TMEM196: variants seen among roughly 807,000 people sequenced by gnomAD.
TMEM196 encodes the protein transmembrane protein 196.
TMEM196 carries 17 observed loss-of-function variants against 20.0 expected under a neutral mutation model. The observed-to-expected ratio is 0.85, with a 90% confidence interval of 0.58 to 1.27. The LOEUF is 1.27. Ranked by LOEUF, TMEM196 falls within the 50% of genes most tolerant of loss-of-function variation. The pLI, the probability that TMEM196 is intolerant of heterozygous loss-of-function variation, is 0.00. For synonymous variants in TMEM196, 113 were observed against 88.9 expected (o/e 1.27, Z -1.52); for missense variants, 267 against 223.0 (o/e 1.20, Z -1.26).
At chr7:19,726,201 A>G (rs1039673849) in intron 2 of TMEM196, among the ~76,000 whole-genome samples, 1 of 152,160 alleles carries the variant, frequency 6.6e-6, no homozygotes, top group Admixed American at 6.5e-5. Context: ...AGAAAAATGA[A>G]TGGTCAATAG....
At chr7:19,726,616 G>A (rs941786160) in intron 2 of TMEM196, among the ~76,000 whole-genome samples, 17 of 151,914 alleles carry the variant, frequency 1.1e-4, no homozygotes, top group East Asian at 1.9e-4. Flanking sequence ...GTTGAATCTC[G>A]GTGTCTATTA....
chr7:19,763,878 T>C (rs73682824), intron 1 of TMEM196, among the ~76,000 whole-genome samples: 4,137 of 152,262 alleles, frequency 0.027, 182 homozygotes, highest in African/African-American at 0.095. Flanking sequence ...GTTTTGCAGA[T>C]GAATTAACTG....
At chr7:19,746,869 GAATT>G (rs1784773859) in intron 1 of TMEM196, among the ~76,000 whole-genome samples, 1 of 152,168 alleles carries the variant, frequency 6.6e-6, no homozygotes, top group Non-Finnish European at 1.5e-5. Context: ...CAGCAGGAAG[GAATT>G]ATTACTGCCT....
chr7:19,767,009 G>A (rs994424744), intron 1 of TMEM196, among the ~76,000 whole-genome samples: 2 of 152,012 alleles, frequency 1.3e-5, no homozygotes, highest in African/African-American at 2.4e-5. Flanking sequence ...TCAATTAGTA[G>A]GTGACTGATG....
At chr7:19,741,312 T>C (rs1273381478) in intron 1 of TMEM196, among the ~76,000 whole-genome samples, 2 of 152,162 alleles carry the variant, frequency 1.3e-5, no homozygotes, top group East Asian at 3.9e-4. Flanking sequence ...AAAGCTGTGC[T>C]GTTGAAATAA....
intron 1 of TMEM196, among the ~76,000 whole-genome samples, chr7:19,731,342 G>A (rs1007222536): frequency 5.3e-5 from 8 of 152,220 alleles, no homozygotes; most frequent in South Asian, 2.1e-4. Context: ...CAGAGTGACC[G>A]TTTCTCACCA....
chr7:19,725,798 G>A (rs752493280), intron 2 of TMEM196, 30 bp from the exon 3 acceptor site: 1 of 1,561,082 alleles, frequency 6.4e-7, no homozygotes, highest in African/African-American at 1.4e-5. Flanking sequence ...CAGCGTTAAA[G>A]TTGAAAAGGC....
intron 1 of TMEM196, among the ~76,000 whole-genome samples, chr7:19,741,323 T>C (rs1393953983): frequency 6.6e-6 from 1 of 152,164 alleles, no homozygotes; most frequent in Non-Finnish European, 1.5e-5. Flanking sequence ...GTTGAAATAA[T>C]ATTTCTAGAT....
chr7:19,766,510 G>T (rs1414284702), intron 1 of TMEM196, among the ~76,000 whole-genome samples: 1 of 150,950 alleles, frequency 6.6e-6, no homozygotes, highest in Non-Finnish European at 1.5e-5. Context: ...GATCTCATGT[G>T]TGTATGTGTA....
chr7:19,762,885 A>G (rs1785490296), intron 1 of TMEM196, among the ~76,000 whole-genome samples: 1 of 152,214 alleles, frequency 6.6e-6, no homozygotes, highest in South Asian at 2.1e-4. Flanking sequence ...TTCATCCAAC[A>G]TGCATAGCGG....
rs1337063181 is a variant in TMEM196, at chr7:19,720,744, A to T, written c.*1384T>A. 1 of 151,896 alleles carries T rather than the reference A, an allele frequency of 6.6e-6. No individual in the cohort carries two copies. The highest frequency in any genetic ancestry group is 2.4e-5 in the African/African-American group (1 of 41,434). 9.4% of individuals were successfully genotyped at this position (151,896 alleles called of 1,614,324 possible). ...TATCTTTTCACTTTTTCCTCAAAGA[A>T]TTCTTTCAGGATCTTTGGATATAGG... On this transcript the variant is annotated 3_prime_UTR_variant, in exon 5 of 5. Transcript: ENST00000405844.
intron 1 of TMEM196, among the ~76,000 whole-genome samples, chr7:19,758,055 C>T (rs1785287198): frequency 6.6e-6 from 1 of 151,156 alleles, no homozygotes; most frequent in African/African-American, 2.4e-5. Context: ...AAAGAAAATG[C>T]TCAGATAGCA....
At chr7:19,745,783 C>A (rs947139662) in intron 1 of TMEM196, among the ~76,000 whole-genome samples, 2 of 149,364 alleles carry the variant, frequency 1.3e-5, no homozygotes, top group Non-Finnish European at 1.5e-5. Context: ...GGACATCAAA[C>A]CTTAGGAGAC....
At chr7:19,772,493 C>T (rs1371421624) in intron 1 of TMEM196, 57 bp downstream of exon 1, 1 of 1,448,510 alleles carries the variant, frequency 6.9e-7, no homozygotes, top group Non-Finnish European at 9.2e-7. Context: ...TGACCATCAC[C>T]GTAAAGAGGT....
Position 19,722,216 on chromosome 7 carries a change from A to G in TMEM196, c.534-82T>C, listed in dbSNP as rs1047681668. On this transcript the variant is annotated intron_variant, in intron 4 of 4. Transcript: ENST00000405844. The stretch of plus-strand genomic sequence containing the variant: ...TGGTTAATGAGTTTGCAAAACAGAA[A>G]TTTCAATCCATTGAAAAACTTGCTA... 5.2e-6 allele frequency: 6 copies of G among 1,155,378 alleles called. No homozygotes were observed. In the Admixed American group the frequency reaches 8.8e-5, roughly 17 times the overall value. The allele number at this position is 1,155,378 out of a possible 1,614,324, so 71.6% of individuals were successfully genotyped here.
At chr7:19,764,660 TGACCA>T (rs1419497356) in intron 1 of TMEM196, among the ~76,000 whole-genome samples, 2 of 152,206 alleles carry the variant, frequency 1.3e-5, no homozygotes, top group Non-Finnish European at 2.9e-5. Context: ...TGTGCTATAC[TGACCA>T]GCCCTCATAA....
intron 1 of TMEM196, among the ~76,000 whole-genome samples, chr7:19,766,679 C>T (rs1785642157): frequency 6.6e-6 from 1 of 151,570 alleles, no homozygotes; most frequent in African/African-American, 2.4e-5. Flanking sequence ...TGCAGTTTCT[C>T]TCACCTTTGG....
chr7:19,769,702 A>T (rs1380189725), intron 1 of TMEM196, among the ~76,000 whole-genome samples: 1 of 141,250 alleles, frequency 7.1e-6, no homozygotes, highest in Non-Finnish European at 1.5e-5. Flanking sequence ...AATATTTGGG[A>T]AAAAAAACAA....
intron 2 of TMEM196, among the ~76,000 whole-genome samples, chr7:19,726,756 A>G (rs1460726515): frequency 6.6e-6 from 1 of 152,184 alleles, no homozygotes; most frequent in Middle Eastern, 3.2e-3. Context: ...AACTTTAATA[A>G]TTATATTTTC....
Sources: gnomAD v4.1 joint callset for allele counts (sites outside exome capture counted in the v4.1 genomes callset) on GRCh38, gnomAD v4.1.1 for gene constraint, MANE v1.5 for transcripts, NCBI Gene and HGNC (gene_info 2026-07-23, HGNC 2026-07-21) for gene names.